The following EHBP1 variants were observed in gnomAD, a reference collection of about 807,000 sequenced individuals.
The protein encoded by EHBP1 is EH domain-binding protein 1.
A neutral mutation model predicts 144.0 loss-of-function variants in EHBP1; 55 were observed. The observed-to-expected ratio is 0.38, with a 90% CI of 0.31 to 0.48. The LOEUF is 0.48. Ranked by LOEUF, EHBP1 falls within the 20% of genes least tolerant of loss-of-function variation. EHBP1 has a pLI of 0.98. For synonymous variants in EHBP1, 469 were observed against 472.7 expected (o/e 0.99, Z 0.10); for missense variants, 1,200 against 1,364.2 (o/e 0.88, Z 1.90).
chr2:62,975,420 C>T (rs1320900144), intron 14 of EHBP1, among the ~76,000 whole-genome samples: 2 of 152,100 alleles, frequency 1.3e-5, no homozygotes, highest in South Asian at 2.1e-4. Context: ...GTGGGATGAG[C>T]GATAACTGTT....
chr2:62,915,681 T>G (rs1458579454), intron 10 of EHBP1, among the ~76,000 whole-genome samples: 1 of 151,256 alleles, frequency 6.6e-6, no homozygotes, highest in Non-Finnish European at 1.5e-5. Flanking sequence ...TGATTAAAAA[T>G]TTATTTGGAA....
Position 63,045,302 on chromosome 2 carries a change from C to T in EHBP1, c.3393-108C>T. 7.3e-7 allele frequency: 1 copy of T among 1,368,878 alleles called. No individual in the cohort carries two copies. The highest frequency in any genetic ancestry group is 1.4e-5 in the African/African-American group (1 of 69,910). The allele number at this position is 1,368,878 out of a possible 1,614,324, so 84.8% of individuals were successfully genotyped here. The stretch of plus-strand genomic sequence containing the variant: ...GCAGCCTCCCACTGGCCTGGTGCTC[C>T]CCATTCCCGCTGGGGATCCAAATAC... On this transcript the variant is annotated intron_variant, in intron 22 of 22. Coordinates refer to ENST00000431489, the MANE Select transcript of EHBP1 (RefSeq NM_001142616.3). This position sits in a 1 kb window ranked among gnomAD's most constrained non-coding sequence, Gnocchi z 5.7.
intron 10 of EHBP1, among the ~76,000 whole-genome samples, chr2:62,924,074 G>A (rs1045593317): frequency 2.6e-5 from 4 of 151,932 alleles, no homozygotes; most frequent in African/African-American, 4.8e-5. Flanking sequence ...CCTGTGGATC[G>A]CCCCCAGCAA....
chr2:62,818,301 A>G (rs536656796), intron 5 of EHBP1, among the ~76,000 whole-genome samples: 6 of 151,890 alleles, frequency 4.0e-5, no homozygotes, highest in Admixed American at 3.9e-4. Context: ...CAGACATACC[A>G]TTTAAAAAGT....
chr2:62,931,203 A>G (rs1160397955), intron 10 of EHBP1, among the ~76,000 whole-genome samples: 2 of 152,216 alleles, frequency 1.3e-5, no homozygotes, highest in East Asian at 1.9e-4. Flanking sequence ...CAGTTCAAAA[A>G]TAGGCAAAGG....
chr2:62,862,894 T>C (rs35727838), intron 8 of EHBP1, among the ~76,000 whole-genome samples: 4 of 152,286 alleles, frequency 2.6e-5, no homozygotes, highest in Admixed American at 6.5e-5. Context: ...TCTTGTTTTG[T>C]TTTAAAATAC....
chr2:62,772,382 C>T (rs1020001513), intron 5 of EHBP1, among the ~76,000 whole-genome samples: 1 of 152,066 alleles, frequency 6.6e-6, no homozygotes, highest in African/African-American at 2.4e-5. Context: ...TGTTCATTTA[C>T]TGGGAATTAA....
At chr2:62,909,161 A>C (rs891760022) in intron 10 of EHBP1, among the ~76,000 whole-genome samples, 1 of 152,124 alleles carries the variant, frequency 6.6e-6, no homozygotes, top group Non-Finnish European at 1.5e-5. Flanking sequence ...TAGTGTAATC[A>C]ATAAATTCTT....
intron 7 of EHBP1, among the ~76,000 whole-genome samples, chr2:62,848,552 A>C (rs1483956146): frequency 6.6e-6 from 1 of 152,242 alleles, no homozygotes. Flanking sequence ...CAACAGAAGA[A>C]TGGCTAAACC....
chr2:62,792,513 A>T (rs2043227411), intron 5 of EHBP1, among the ~76,000 whole-genome samples: 3 of 152,080 alleles, frequency 2.0e-5, no homozygotes, highest in Admixed American at 2.0e-4. Context: ...ATGCTTTACA[A>T]ATAGTAGATC....
At position 62,996,741 on chromosome 2, in the gene EHBP1, G is replaced by C. The variant is rs761934795; in HGVS notation, c.3078G>C (p.Lys1026Asn). 6.2e-7 allele frequency: 1 copy of C among 1,612,648 alleles called. No homozygotes were observed. ...QIDTRAALVE[K>N]RLRYLMDTGR... ...ACACCCGTGCCGCGCTGGTGGAGAA[G>C]CGCCTTCGCTATCTCATGGACACAG... The change falls in exon 19 of 23, where the codon AAG (lysine) becomes AAC (asparagine). Residue 1026 changes from lysine to asparagine, a missense_variant. Coordinates refer to ENST00000431489, the MANE Select transcript of EHBP1 (RefSeq NM_001142616.3).
At chr2:62,896,371 T>C (rs1210807770) in intron 10 of EHBP1, among the ~76,000 whole-genome samples, 1 of 152,206 alleles carries the variant, frequency 6.6e-6, no homozygotes, top group Non-Finnish European at 1.5e-5. Flanking sequence ...TAAAGGATCT[T>C]ACGGACCATT....
intron 1 of EHBP1, among the ~76,000 whole-genome samples, chr2:62,694,448 T>G (rs548746416): frequency 6.7e-6 from 1 of 149,402 alleles, no homozygotes; most frequent in Non-Finnish European, 1.5e-5. Flanking sequence ...TTTTAGTTGA[T>G]CAGAAAAATT....
intron 10 of EHBP1, among the ~76,000 whole-genome samples, chr2:62,927,027 C>A (rs962466533): frequency 6.6e-5 from 10 of 152,070 alleles, no homozygotes; most frequent in African/African-American, 2.4e-4. Flanking sequence ...AGAATGAAAT[C>A]CTGCCATTCA....
chr2:62,871,853 G>A (rs2050516604), intron 9 of EHBP1, among the ~76,000 whole-genome samples: 1 of 152,144 alleles, frequency 6.6e-6, no homozygotes, highest in South Asian at 2.1e-4. Flanking sequence ...GGGTTTCTCA[G>A]TTACTTATGT....
intron 10 of EHBP1, among the ~76,000 whole-genome samples, chr2:62,911,737 C>G (rs549192854): frequency 7.9e-5 from 12 of 152,200 alleles, no homozygotes; most frequent in Non-Finnish European, 1.8e-4. Context: ...GCTGAGATTA[C>G]AGACGTGAGC....
chr2:63,024,601 C>CAAAAA (rs35534053), intron 19 of EHBP1, among the ~76,000 whole-genome samples: 1 of 107,490 alleles, frequency 9.3e-6, no homozygotes, highest in Non-Finnish European at 1.9e-5. Context: ...GACCCTGTCT[C>CAAAAA]AAAAAAAAAA....
At position 62,989,035 on chromosome 2, in the gene EHBP1, G is replaced by A. The variant is rs78073950; in HGVS notation, c.2609-1681G>A. ...TTTTGTCAGTAGCTCCTTCATGGCCGGGTGTTAAATTATACTATTGCTAAA... is the reference window on the plus strand; with the variant it reads ...TTTTGTCAGTAGCTCCTTCATGGCCAGGTGTTAAATTATACTATTGCTAAA... On this transcript the variant is annotated intron_variant, in intron 15 of 22. Transcript: ENST00000431489. Among the ~76,000 whole-genome samples the A allele has an allele frequency of 1.4e-4, 22 of 152,100 alleles. 1 individual carries two copies. The East Asian group carries it at 3.7e-3, about 25-fold the overall frequency.
At chr2:62,708,334 G>A (rs2034797071) in intron 2 of EHBP1, among the ~76,000 whole-genome samples, 1 of 152,168 alleles carries the variant, frequency 6.6e-6, no homozygotes. Context: ...AGGTACTGTG[G>A]ATTTAGAGTA....
Sources: gnomAD v4.1 joint callset for allele counts (sites outside exome capture counted in the v4.1 genomes callset) on GRCh38, gnomAD v4.1.1 for gene constraint, Gnocchi (gnomAD v3.1) non-coding constraint, MANE v1.5 for transcripts, NCBI Gene and HGNC (gene_info 2026-07-23, HGNC 2026-07-21) for gene names.